The following ZNF385D variants were observed in gnomAD, a reference collection of about 807,000 sequenced individuals.
ZNF385D encodes the protein zinc finger protein 385D, also known as zinc finger protein 659.
ZNF385D carries 15 observed loss-of-function variants against 35.8 expected under a neutral mutation model. That is an observed-to-expected ratio of 0.42 (90% CI 0.28 to 0.64). The LOEUF is 0.64. ZNF385D is among the 30% of genes least tolerant of loss of function. The pLI, the probability that ZNF385D is intolerant of heterozygous loss-of-function variation, is 0.23. For missense variants in ZNF385D, 474 were observed against 494.6 expected, an observed-to-expected ratio of 0.96 and a Z score of 0.39; for synonymous variants, 212 against 186.8, an observed-to-expected ratio of 1.13 and a Z score of -1.10.
intron 5 of ZNF385D, among the ~76,000 whole-genome samples, chr3:21,428,625 G>A (rs1701135319): frequency 6.6e-6 from 1 of 151,802 alleles, no homozygotes; most frequent in Non-Finnish European, 1.5e-5. Flanking sequence ...CACGAATGGT[G>A]ACACTTTGCG....
At chr3:21,521,696 G>T (rs1242635946) in intron 3 of ZNF385D, among the ~76,000 whole-genome samples, 1 of 152,122 alleles carries the variant, frequency 6.6e-6, no homozygotes, top group Non-Finnish European at 1.5e-5. Context: ...TGAGGCTGCA[G>T]TGAGCCAGTG....
At chr3:21,895,254 C>T (rs1308713893) in intron 3 of ZNF385D, among the ~76,000 whole-genome samples, 1 of 145,672 alleles carries the variant, frequency 6.9e-6, no homozygotes, top group Non-Finnish European at 1.5e-5. Flanking sequence ...ACATGGCGGA[C>T]ATGAGATTCC....
intron 3 of ZNF385D, among the ~76,000 whole-genome samples, chr3:22,153,217 G>A (rs745685017): frequency 1.6e-4 from 25 of 152,066 alleles, no homozygotes; most frequent in Non-Finnish European, 8.8e-5. Flanking sequence ...GCAACCTCCT[G>A]TCTGCTGATG....
intron 2 of ZNF385D, among the ~76,000 whole-genome samples, chr3:22,265,058 G>A (rs1457776475): frequency 1.3e-5 from 2 of 151,822 alleles, no homozygotes; most frequent in African/African-American, 4.8e-5. Flanking sequence ...TATGTGCTAT[G>A]CTCAGAATTA....
chr3:22,286,802 C>T (rs573787505), intron 2 of ZNF385D, among the ~76,000 whole-genome samples: 2 of 152,054 alleles, frequency 1.3e-5, no homozygotes, highest in Non-Finnish European at 2.9e-5. Flanking sequence ...AACATATGAT[C>T]TTTTCTGAAG....
chr3:22,174,685 T>A (rs1159153429), intron 2 of ZNF385D, among the ~76,000 whole-genome samples: 1 of 152,082 alleles, frequency 6.6e-6, no homozygotes, highest in African/African-American at 2.4e-5. Context: ...TTATTTTTGG[T>A]TCAACGGAAA....
chr3:21,938,153 C>G (rs1701350008), intron 3 of ZNF385D, among the ~76,000 whole-genome samples: 1 of 152,276 alleles, frequency 6.6e-6, no homozygotes, highest in African/African-American at 2.4e-5. Flanking sequence ...CTTCACCAAA[C>G]TAGGATTTGT....
chr3:21,533,278 A>T (rs1385843907), intron 3 of ZNF385D, among the ~76,000 whole-genome samples: 1 of 152,148 alleles, frequency 6.6e-6, no homozygotes, highest in East Asian at 1.9e-4. Context: ...TGAACTGCTG[A>T]CACAAGAAAC....
intron 2 of ZNF385D, among the ~76,000 whole-genome samples, chr3:22,340,479 C>T (rs1237628758): frequency 6.6e-6 from 1 of 152,106 alleles, no homozygotes; most frequent in Non-Finnish European, 1.5e-5. Context: ...AACCTTATCT[C>T]TACTAAAAAT....
At chr3:22,113,296 G>A (rs1302429887) in intron 3 of ZNF385D, among the ~76,000 whole-genome samples, 2 of 152,024 alleles carry the variant, frequency 1.3e-5, no homozygotes, top group Non-Finnish European at 2.9e-5. Flanking sequence ...AAGATAATAG[G>A]TAATGCTGAA....
intron 3 of ZNF385D, among the ~76,000 whole-genome samples, chr3:22,088,615 C>A (rs2620543): frequency 0.13 from 20,026 of 152,146 alleles, 1,572 homozygotes; most frequent in Middle Eastern, 0.24. Flanking sequence ...GAGAACAGAG[C>A]AATAACTTGT....
At chr3:21,647,460 A>C in intron 2 of ZNF385D, among the ~76,000 whole-genome samples, 2 of 138,684 alleles carry the variant, frequency 1.4e-5, no homozygotes, top group African/African-American at 2.7e-5. Flanking sequence ...CTTCTTTCTC[A>C]CTCTCCCTGT....
chr3:22,170,586 T>C (rs1037296513), intron 2 of ZNF385D, among the ~76,000 whole-genome samples: 2 of 152,204 alleles, frequency 1.3e-5, no homozygotes, highest in South Asian at 2.1e-4. Flanking sequence ...TCTCTCTTAC[T>C]CAGATAACCT....
intron 3 of ZNF385D, among the ~76,000 whole-genome samples, chr3:21,775,264 G>A (rs1444180330): frequency 6.6e-6 from 1 of 151,764 alleles, no homozygotes; most frequent in Admixed American, 6.6e-5. Context: ...ATGCAGGGTT[G>A]CAAAGTATTT....
intron 7 of ZNF385D, among the ~76,000 whole-genome samples, chr3:21,422,040 T>C (rs1700763643): frequency 6.6e-6 from 1 of 152,238 alleles, no homozygotes; most frequent in African/African-American, 2.4e-5. Context: ...CCACATTTTC[T>C]CAGTCCTTCT....
At chr3:22,070,678 G>C (rs1576263674) in intron 3 of ZNF385D, among the ~76,000 whole-genome samples, 1 of 151,998 alleles carries the variant, frequency 6.6e-6, no homozygotes, top group Non-Finnish European at 1.5e-5. Flanking sequence ...TAAAAATGTT[G>C]AAGAAAAAAA....
chr3:21,948,709 T>C (rs1278037213), intron 3 of ZNF385D, among the ~76,000 whole-genome samples: 1 of 84,806 alleles, frequency 1.2e-5, no homozygotes, highest in Non-Finnish European at 2.3e-5. Flanking sequence ...ATGAGACAAA[T>C]ATTTCATTCA....
intron 1 of ZNF385D, among the ~76,000 whole-genome samples, chr3:21,699,153 T>C (rs868118654): frequency 1.3e-5 from 2 of 152,172 alleles, no homozygotes; most frequent in East Asian, 1.9e-4. Context: ...GAATACTATG[T>C]AGCCATAAAA....
At chr3:21,568,068 TAACTG>T (rs1428537969) in intron 2 of ZNF385D, among the ~76,000 whole-genome samples, 2 of 152,178 alleles carry the variant, frequency 1.3e-5, no homozygotes, top group African/African-American at 2.4e-5. Context: ...AAAAAAAACT[TAACTG>T]AATTACCTTT....
Sources: allele counts gnomAD v4.1 joint callset (sites outside exome capture counted in the v4.1 genomes callset), GRCh38; gene constraint gnomAD v4.1.1; transcripts MANE v1.5; gene names NCBI Gene and HGNC (gene_info 2026-07-23, HGNC 2026-07-21).